The following FAM135B variants were observed in gnomAD, a reference collection of about 807,000 sequenced individuals.
FAM135B encodes the protein protein FAM135B.
FAM135B carries 43 observed loss-of-function variants against 127.7 expected under a neutral mutation model. The observed-to-expected ratio is 0.34, with a 90% CI of 0.26 to 0.43. The LOEUF is 0.43. Among genes scored for constraint, FAM135B ranks in the 20% least tolerant of loss-of-function variants. The pLI is 1.00. For missense variants in FAM135B, 1,558 were observed against 1,725.6 expected (o/e 0.90, Z 1.72); for synonymous variants, 670 against 665.1 (o/e 1.01, Z -0.11).
chr8:138,384,352 T>G (rs1465457554), intron 1 of FAM135B, among the ~76,000 whole-genome samples: 1 of 149,312 alleles, frequency 6.7e-6, no homozygotes, highest in Non-Finnish European at 1.5e-5. Flanking sequence ...CTCCATTTAT[T>G]TATTTATTTA....
intron 7 of FAM135B, among the ~76,000 whole-genome samples, chr8:138,208,904 T>C (rs1817920741): frequency 6.6e-6 from 1 of 152,236 alleles, no homozygotes; most frequent in African/African-American, 2.4e-5. Context: ...ATTAGTTAGA[T>C]AAGTTGATAT....
Position 138,347,901 on chromosome 8 carries a change from G to C in FAM135B, c.77+20006C>G, listed in dbSNP as rs372249299. Among the ~76,000 whole-genome samples, 15 of 152,204 alleles carry C rather than the reference G, an allele frequency of 9.9e-5. No individual in the cohort carries two copies. The East Asian group carries it at 2.7e-3, about 28-fold the overall frequency. On this transcript the variant is annotated intron_variant, in intron 2 of 19. Transcript: ENST00000395297. ...AAAACGGAGGTAGAATTATAGTCCT[G>C]ATTTCATGAGGTTAAGAAATAAATG...
At chr8:138,475,587 T>C (rs1814380620) in intron 1 of FAM135B, among the ~76,000 whole-genome samples, 1 of 152,294 alleles carries the variant, frequency 6.6e-6, no homozygotes, top group African/African-American at 2.4e-5. Flanking sequence ...ATCACCACGA[T>C]CTGTCAATTC....
At position 138,251,008 on chromosome 8, in the gene FAM135B, C is replaced by T. The variant is rs1821661701; in HGVS notation, c.375G>A (p.Arg125=). ...TGACCATCGGTGCCCCAGCCACATC[C>T]CTCAACCTAGAAGGCAAGCATGTGA... The part of the protein sequence containing the change: ...LHFTDSEQQL[R]DVAGAPMVSS... The change falls in exon 6 of 20, where the codon AGG becomes AGA. Residue 125 remains arginine (R), a synonymous_variant. Coordinates refer to ENST00000395297, the MANE Select transcript of FAM135B (RefSeq NM_015912.4). 6.2e-6 allele frequency: 10 copies of T among 1,613,944 alleles called. No homozygotes were observed. Among genetic ancestry groups the T allele is most frequent in the Non-Finnish European group, 8.5e-6 (10 of 1,179,990 alleles).
At chr8:138,249,020 G>A (rs908333847) in intron 6 of FAM135B, among the ~76,000 whole-genome samples, 1 of 152,062 alleles carries the variant, frequency 6.6e-6, no homozygotes, top group African/African-American at 2.4e-5. Flanking sequence ...TAGGGCCCCA[G>A]AATCCACTGC....
At chr8:138,374,066 TA>T (rs923723373) in intron 1 of FAM135B, among the ~76,000 whole-genome samples, 2 of 152,002 alleles carry the variant, frequency 1.3e-5, no homozygotes, top group Non-Finnish European at 2.9e-5. Flanking sequence ...CCCTCCCCTT[TA>T]AAAAAAATCC....
intron 1 of FAM135B, among the ~76,000 whole-genome samples, chr8:138,398,287 G>A (rs1227672567): frequency 6.6e-6 from 1 of 152,224 alleles, no homozygotes; most frequent in Non-Finnish European, 1.5e-5. Flanking sequence ...AAAAGACCAA[G>A]AGGAAAGAGG....
At position 138,168,055 on chromosome 8, in the gene FAM135B, G is replaced by A. The variant is rs2130904078; in HGVS notation, c.1104-6C>T. On this transcript the variant is annotated splice_region_variant and splice_polypyrimidine_tract_variant and intron_variant, in intron 11 of 19. Coordinates refer to ENST00000395297, the MANE Select transcript of FAM135B (RefSeq NM_015912.4). Reference sequence around the variant, plus strand: ...GCTGGCTGTGCGTCTGTATCCTGGGGAGCACATGGCAGGGTGAGCGTCCAG... The same window carrying A: ...GCTGGCTGTGCGTCTGTATCCTGGGAAGCACATGGCAGGGTGAGCGTCCAG... 6.2e-7 allele frequency: 1 copy of A among 1,609,352 alleles called. No individual in the cohort carries two copies. Among genetic ancestry groups the A allele is most frequent in the Non-Finnish European group, 8.5e-7 (1 of 1,177,686 alleles).
intron 7 of FAM135B, among the ~76,000 whole-genome samples, chr8:138,218,559 C>T (rs961264070): frequency 1.3e-5 from 2 of 152,176 alleles, no homozygotes; most frequent in African/African-American, 4.8e-5. Context: ...GGGACTCATA[C>T]TTAGAAATGT....
chr8:138,378,361 G>A (rs1438394614), intron 1 of FAM135B, among the ~76,000 whole-genome samples: 1 of 152,240 alleles, frequency 6.6e-6, no homozygotes, highest in Non-Finnish European at 1.5e-5. Context: ...CTCAGCAGCT[G>A]TGCAGTCTTG....
rs2130349705 is a variant in FAM135B, at chr8:138,241,033, C to T, written c.669+1909G>A. Among the ~76,000 whole-genome samples, 1 of 152,260 alleles carries T rather than the reference C, an allele frequency of 6.6e-6. No homozygotes were observed. The highest frequency in any genetic ancestry group is 2.4e-5 in the African/African-American group (1 of 41,554). ...TCTTCAGTCTCTACAATGGGGTCTA[C>T]TGAAACTCTGGGTGCCAGCCCACGT... On this transcript the variant is annotated intron_variant, in intron 7 of 19. Transcript: ENST00000395297. The surrounding 1 kb of genome is among the most constrained non-coding windows in gnomAD (Gnocchi z 4.8).
Position 138,243,770 on chromosome 8 carries a change from A to C in FAM135B, c.543-702T>G, listed in dbSNP as rs1821056703. On this transcript the variant is annotated intron_variant, in intron 6 of 19. Coordinates refer to ENST00000395297, the MANE Select transcript of FAM135B (RefSeq NM_015912.4). This position sits in a 1 kb window ranked among gnomAD's most constrained non-coding sequence, Gnocchi z 7.5. Reference sequence around the variant, plus strand: ...TTTGAGTTTATGATCATCTTCCTCTATCTTTACCTGTTTGATTTTCATCAA... The same window carrying C: ...TTTGAGTTTATGATCATCTTCCTCTCTCTTTACCTGTTTGATTTTCATCAA... Among the ~76,000 whole-genome samples the C allele has an allele frequency of 6.6e-6, 1 of 152,198 alleles. No individual in the cohort carries two copies. Among genetic ancestry groups the C allele is most frequent in the South Asian group, 2.1e-4 (1 of 4,834 alleles).
intron 1 of FAM135B, among the ~76,000 whole-genome samples, chr8:138,430,954 A>G (rs2131504529): frequency 6.6e-6 from 1 of 152,308 alleles, no homozygotes; most frequent in African/African-American, 2.4e-5. Flanking sequence ...GGGAATAAAT[A>G]ATGTATAAAA....
intron 2 of FAM135B, among the ~76,000 whole-genome samples, chr8:138,354,566 A>G (rs1313181213): frequency 1.3e-5 from 2 of 152,090 alleles, no homozygotes; most frequent in Non-Finnish European, 2.9e-5. Flanking sequence ...CATTTCTGAC[A>G]TCACTTTCTT....
chr8:138,147,556 T>C (rs1024144039), intron 14 of FAM135B, among the ~76,000 whole-genome samples: 3 of 152,186 alleles, frequency 2.0e-5, no homozygotes, highest in Non-Finnish European at 4.4e-5. Context: ...CCCTTGGAAA[T>C]TGAATTTGAA....
intron 1 of FAM135B, among the ~76,000 whole-genome samples, chr8:138,468,712 A>C (rs2131640101): frequency 6.6e-6 from 1 of 152,250 alleles, no homozygotes; most frequent in Admixed American, 6.5e-5. Flanking sequence ...AAAGGGAAAA[A>C]CCACAATTAC....
At chr8:138,169,857 T>C (rs1820273594) in intron 11 of FAM135B, among the ~76,000 whole-genome samples, 2 of 152,186 alleles carry the variant, frequency 1.3e-5, no homozygotes, top group South Asian at 2.1e-4. Flanking sequence ...AGTTATGTTA[T>C]GCAGGCTGTG....
intron 1 of FAM135B, among the ~76,000 whole-genome samples, chr8:138,378,905 C>T (rs1316539723): frequency 2.0e-5 from 3 of 152,250 alleles, no homozygotes; most frequent in East Asian, 3.9e-4. Context: ...GACTCATAAA[C>T]TCAGGCAGAG....
chr8:138,349,933 T>C (rs532046546), intron 2 of FAM135B, among the ~76,000 whole-genome samples: 4 of 152,306 alleles, frequency 2.6e-5, no homozygotes, highest in East Asian at 1.9e-4. Context: ...ATCAAGAATA[T>C]CCACATAGCT....
Sources: gnomAD v4.1 joint callset for allele counts (sites outside exome capture counted in the v4.1 genomes callset) on GRCh38, gnomAD v4.1.1 for gene constraint, Gnocchi (gnomAD v3.1) non-coding constraint, MANE v1.5 for transcripts, NCBI Gene and HGNC (gene_info 2026-07-23, HGNC 2026-07-21) for gene names.